Variants in SLC35F4 observed in about 807,000 individuals in gnomAD.
The protein encoded by SLC35F4 is solute carrier family 35 member F4, also known as chromosome 14 open reading frame 36.
In SLC35F4, 24 loss-of-function variants were observed where a neutral mutation model predicts 44.2. That is an observed-to-expected ratio of 0.54 (90% CI 0.39 to 0.76). The LOEUF (loss-of-function observed/expected upper bound fraction) is 0.76, where lower values mean the gene tolerates loss of function less well. Among genes scored for constraint, SLC35F4 ranks in the 30% least tolerant of loss-of-function variants. The probability of loss-of-function intolerance (pLI) is 0.00; values close to 1 mark genes in which losing one functional copy is unlikely to be tolerated. For synonymous variants in SLC35F4, 238 were observed against 223.6 expected (o/e 1.06, Z -0.57); for missense variants, 562 against 586.1 (o/e 0.96, Z 0.42).
chr14:57,872,474 A>G (rs1328608476), intron 1 of SLC35F4, among the ~76,000 whole-genome samples: 1 of 152,146 alleles, frequency 6.6e-6, no homozygotes, highest in Non-Finnish European at 1.5e-5. Context: ...TCACCTTTGC[A>G]GTGACCACCC....
chr14:57,937,591 AAAAGAAAAGAAAAG>A (rs1889828012), intron 1 of SLC35F4, among the ~76,000 whole-genome samples: 1 of 16,902 alleles, frequency 5.9e-5, no homozygotes. Context: ...GAAAAGAAAG[AAAAGAAAAGAAAAG>A]AAAAGAAAAG....
At chr14:57,896,809 G>T (rs1052626265) in intron 1 of SLC35F4, among the ~76,000 whole-genome samples, 1 of 152,110 alleles carries the variant, frequency 6.6e-6, no homozygotes, top group Non-Finnish European at 1.5e-5. Context: ...TATTGTTATT[G>T]CCTAAAGAGG....
intron 5 of SLC35F4, among the ~76,000 whole-genome samples, chr14:57,570,888 C>T (rs1190110): frequency 0.37 from 56,582 of 151,734 alleles, 11,377 homozygotes; most frequent in South Asian, 0.49. Context: ...AATTTGAGCA[C>T]GTGGTAGTCT....
intron 1 of SLC35F4, among the ~76,000 whole-genome samples, chr14:57,829,331 A>C (rs577498336): frequency 1.8e-4 from 27 of 152,182 alleles, no homozygotes; most frequent in Non-Finnish European, 3.2e-4. Flanking sequence ...TCGTGGGGGA[A>C]GGGAACTATG....
At chr14:57,629,710 G>T in intron 1 of SLC35F4, 2 of 227,086 alleles carry the variant, frequency 8.8e-6, no homozygotes, top group South Asian at 7.2e-5. Context: ...AATACACATA[G>T]ATCTGTATAG....
intron 1 of SLC35F4, among the ~76,000 whole-genome samples, chr14:57,819,172 T>A (rs1439097178): frequency 6.6e-6 from 1 of 152,160 alleles, no homozygotes; most frequent in Non-Finnish European, 1.5e-5. Flanking sequence ...ATAAGAAGAT[T>A]GACCAAGTTG....
intron 1 of SLC35F4, among the ~76,000 whole-genome samples, chr14:57,915,447 A>C (rs1889304896): frequency 6.6e-6 from 1 of 152,062 alleles, no homozygotes; most frequent in Non-Finnish European, 1.5e-5. Flanking sequence ...AAATTTCCCA[A>C]ATATTTCCAT....
rs143809215 is a variant in SLC35F4 at position 57,664,389 on chromosome 14, G to A, written c.104-70265C>T. Among the ~76,000 whole-genome samples the A allele has an allele frequency of 2.9e-4, 44 of 152,192 alleles. 1 individual carries two copies. The highest frequency in any genetic ancestry group is 9.9e-4 in the African/African-American group (41 of 41,556). On this transcript the variant is annotated intron_variant, in intron 1 of 7. Coordinates refer to ENST00000556826, the MANE Select transcript of SLC35F4 (RefSeq NM_001306087.2). ...GACACTGAGGGTAGAACACTGGGCA[G>A]TCCAGTTCTATTTATTTATTTATTT...
rs553780842 is a variant in SLC35F4 at position 57,706,664 on chromosome 14, G to A, written c.104-112540C>T. Among the ~76,000 whole-genome samples, 5 of 152,296 alleles carry A rather than the reference G, an allele frequency of 3.3e-5. No homozygotes were observed. In the East Asian group the frequency reaches 9.7e-4, roughly 29 times the overall value. On this transcript the variant is annotated intron_variant, in intron 1 of 7. Transcript: ENST00000556826. ...CAGAGCCCAGTAAGACTGGCATTTG[G>A]CCACATGAGTGGAGAAGGTGGAGTG...
intron 1 of SLC35F4, among the ~76,000 whole-genome samples, chr14:57,727,499 T>A (rs2140458683): frequency 6.6e-6 from 1 of 152,060 alleles, no homozygotes; most frequent in Non-Finnish European, 1.5e-5. Context: ...TTTAGCTTTT[T>A]TTTTTTCTTT....
chr14:57,650,269 A>C (rs1004612193), intron 1 of SLC35F4, among the ~76,000 whole-genome samples: 4 of 152,060 alleles, frequency 2.6e-5, no homozygotes, highest in Non-Finnish European at 5.9e-5. Context: ...AAAATATCTC[A>C]CATCCAGCTT....
rs118043783 is a variant in SLC35F4 at position 57,786,244 on chromosome 14, T to A, written c.103+79479A>T. ...GACTTAGGAACCTCACTCCCATACC[T>A]CACAGCAGCTGCAGCAAGATCCGCC... On this transcript the variant is annotated intron_variant, in intron 1 of 7. Coordinates refer to ENST00000556826, the MANE Select transcript of SLC35F4 (RefSeq NM_001306087.2). Among the ~76,000 whole-genome samples, 28 of 152,218 alleles carry A rather than the reference T, an allele frequency of 1.8e-4. No individual in the cohort carries two copies. The East Asian group carries it at 3.1e-3, about 17-fold the overall frequency.
chr14:57,793,685 T>C (rs934852610), intron 1 of SLC35F4, among the ~76,000 whole-genome samples: 2 of 152,190 alleles, frequency 1.3e-5, no homozygotes, highest in African/African-American at 2.4e-5. Context: ...GCAATAAACA[T>C]ATGTGTCCAG....
chr14:57,638,842 G>A (rs1247083675), intron 1 of SLC35F4, among the ~76,000 whole-genome samples: 1 of 151,964 alleles, frequency 6.6e-6, no homozygotes, highest in Non-Finnish European at 1.5e-5. Context: ...CATAGTTTAG[G>A]TCAGAGGTCC....
chr14:57,930,837 C>T (rs545000874), intron 1 of SLC35F4, among the ~76,000 whole-genome samples: 3 of 152,224 alleles, frequency 2.0e-5, no homozygotes, highest in Middle Eastern at 3.4e-3. Flanking sequence ...AGGCAACCAC[C>T]TAATCGTATA....
chr14:57,824,885 T>C (rs78485651), intron 1 of SLC35F4, among the ~76,000 whole-genome samples: 21,168 of 152,060 alleles, frequency 0.14, 1,748 homozygotes, highest in African/African-American at 0.23. Context: ...TCGGAGGAAC[T>C]GGGGTTTAAA....
chr14:57,791,884 T>C (rs778321253), intron 1 of SLC35F4, among the ~76,000 whole-genome samples: 32 of 151,658 alleles, frequency 2.1e-4, no homozygotes, highest in Admixed American at 1.6e-3. Context: ...AAACACCACA[T>C]GTTCTCACTC....
chr14:57,888,595 T>C (rs1376904892), intron 1 of SLC35F4, among the ~76,000 whole-genome samples: 1 of 152,230 alleles, frequency 6.6e-6, no homozygotes, highest in Non-Finnish European at 1.5e-5. Flanking sequence ...ACGTTATTAT[T>C]ATCATTATTA....
chr14:57,564,813 A>G (rs1216529406), intron 7 of SLC35F4, among the ~76,000 whole-genome samples: 1 of 151,576 alleles, frequency 6.6e-6, no homozygotes, highest in African/African-American at 2.4e-5. Flanking sequence ...TATATTCACA[A>G]TATTATGCAG....
Sources: allele counts gnomAD v4.1 joint callset (sites outside exome capture counted in the v4.1 genomes callset), GRCh38; gene constraint gnomAD v4.1.1; transcripts MANE v1.5; gene names NCBI Gene and HGNC (gene_info 2026-07-23, HGNC 2026-07-21).